Variants in DESI2 observed in about 807,000 individuals in gnomAD.
DESI2 encodes the protein deubiquitinase DESI2.
In DESI2, 10 loss-of-function variants were observed where a neutral mutation model predicts 24.1. That is an observed-to-expected ratio of 0.41 (90% CI 0.26 to 0.70). The LOEUF (loss-of-function observed/expected upper bound fraction) is 0.70. Ranked by LOEUF, DESI2 falls within the 30% of genes least tolerant of loss-of-function variation. DESI2 has a pLI of 0.29. For missense variants in DESI2, 122 were observed against 234.9 expected, an observed-to-expected ratio of 0.52 and a Z score of 3.14; for synonymous variants, 71 against 87.7, an observed-to-expected ratio of 0.81 and a Z score of 1.06.
chr1:244,664,552 A>G lies in DESI2; in HGVS notation c.42+11197A>G, dbSNP rs190037887. Among the ~76,000 whole-genome samples the G allele has an allele frequency of 2.9e-4, 44 of 152,356 alleles. No individual in the cohort carries two copies. In the East Asian group the frequency reaches 3.9e-3, roughly 13 times the overall value. ...GGGACCTTATCTCTACAAAAAATAA[A>G]TAAATTAGCCAGGCCCATGCCTGTG... On this transcript the variant is annotated intron_variant, in intron 1 of 4. Coordinates refer to ENST00000302550, the MANE Select transcript of DESI2 (RefSeq NM_016076.5).
chr1:244,695,265 T>C (rs778971224), intron 4 of DESI2, among the ~76,000 whole-genome samples: 7 of 152,232 alleles, frequency 4.6e-5, no homozygotes, highest in Non-Finnish European at 1.0e-4. Flanking sequence ...ACAGCCAGAA[T>C]TGTGTCAGAT....
chr1:244,676,918 ATT>A (rs55638785), intron 1 of DESI2, among the ~76,000 whole-genome samples: 1,988 of 134,580 alleles, frequency 0.015, 44 homozygotes, highest in African/African-American at 0.045. Context: ...TATTACATTA[ATT>A]TTTTTTTTTT....
rs907907761 is a variant in DESI2, at chr1:244,653,182, G to A, written c.-132G>A. On this transcript the variant is annotated 5_prime_UTR_variant, in exon 1 of 5. Transcript: ENST00000302550. ...CTCGGCTGCCCGATGCTTCCGCCCCGGCTGCCGCGGGCCGGGCTGTACGCT... is the reference window on the plus strand; with the variant it reads ...CTCGGCTGCCCGATGCTTCCGCCCCAGCTGCCGCGGGCCGGGCTGTACGCT... The A allele has an allele frequency of 8.7e-6, 8 of 920,186 alleles. No homozygotes were observed. Among genetic ancestry groups the A allele is most frequent in the African/African-American group, 5.1e-5 (3 of 58,314 alleles). The allele number at this position is 920,186 out of a possible 1,614,324, so 57.0% of individuals were successfully genotyped here. A position where few individuals can be genotyped will look rare whatever the true frequency, so the allele number is the denominator to read the frequency against.
At chr1:244,702,933 T>C (rs1274507035) in intron 4 of DESI2, among the ~76,000 whole-genome samples, 1 of 151,858 alleles carries the variant, frequency 6.6e-6, no homozygotes, top group African/African-American at 2.4e-5. Flanking sequence ...ATGATTAACC[T>C]CTAAATAGGC....
intron 1 of DESI2, among the ~76,000 whole-genome samples, chr1:244,671,414 A>T (rs570939363): frequency 6.6e-6 from 1 of 152,242 alleles, no homozygotes; most frequent in African/African-American, 2.4e-5. Flanking sequence ...CATTATATGT[A>T]ACTCTTCATC....
In DESI2 at chr1:244,665,265, G is replaced by A. The variant is rs551531167; in HGVS notation, c.42+11910G>A. ...GATGAAACTGAGGCCTAGTTGAAAA[G>A]CAAGCTCAGAGTCACGCCATAGTGG... On this transcript the variant is annotated intron_variant, in intron 1 of 4. Coordinates refer to ENST00000302550, the MANE Select transcript of DESI2 (RefSeq NM_016076.5). 2.8e-4 allele frequency among the ~76,000 whole-genome samples: 43 copies of A among 152,052 alleles called. No homozygotes were observed. In the South Asian group the frequency reaches 8.5e-3, roughly 30 times the overall value.
At position 244,692,109 on chromosome 1, in the gene DESI2, C is replaced by A; in HGVS notation, c.351+89C>A. The A allele has an allele frequency of 7.7e-6, 9 of 1,168,010 alleles. 1 individual carries two copies. Among genetic ancestry groups the A allele is most frequent in the South Asian group, 7.3e-5 (5 of 68,906 alleles). 72.4% of individuals were successfully genotyped at this position (1,168,010 alleles called of 1,614,324 possible). ...TCCCACTATATTCGATCTTGATTCA[C>A]TTCTTTTCCGATTTTTTGTGTTGTA... is the stretch of plus-strand genomic sequence containing the variant. On this transcript the variant is annotated intron_variant, in intron 4 of 4. Transcript: ENST00000302550.
Position 244,706,012 on chromosome 1 carries a change from G to C in DESI2, c.*223G>C. 1.9e-6 allele frequency: 1 copy of C among 527,142 alleles called. No individual in the cohort carries two copies. Among genetic ancestry groups the C allele is most frequent in the Non-Finnish European group, 3.4e-6 (1 of 295,788 alleles). The allele number at this position is 527,142 out of a possible 1,614,324, so 32.7% of individuals were successfully genotyped here. A position where few individuals can be genotyped will look rare whatever the true frequency, so the allele number is the denominator to read the frequency against. On this transcript the variant is annotated 3_prime_UTR_variant, in exon 5 of 5. Coordinates refer to ENST00000302550, the MANE Select transcript of DESI2 (RefSeq NM_016076.5). ...TGCCCTCTGTTTTTTTTATCCACTC[G>C]TAAATCTGGATTTATTTCTTCTGTT... is the stretch of plus-strand genomic sequence containing the variant.
At chr1:244,680,931 G>T (rs1573204921) in intron 1 of DESI2, among the ~76,000 whole-genome samples, 1 of 143,562 alleles carries the variant, frequency 7.0e-6, no homozygotes, top group Non-Finnish European at 1.5e-5. Flanking sequence ...ATTAAAAAAA[G>T]AGCTTTCCTC....
rs1379033841 is a variant in DESI2, at chr1:244,708,755, C to G, written c.*2966C>G. 6.6e-6 allele frequency: 1 copy of G among 152,592 alleles called. No homozygotes were observed. The highest frequency in any genetic ancestry group is 1.5e-5 in the Non-Finnish European group (1 of 68,030). The allele number at this position is 152,592 out of a possible 1,614,324, so 9.5% of individuals were successfully genotyped here. On this transcript the variant is annotated 3_prime_UTR_variant, in exon 5 of 5. Transcript: ENST00000302550. ...CCATACAACCATTGTATCTCTTTCT[C>G]TTCAGTATGGTTTAGAGCCCAGATC...
Position 244,689,087 on chromosome 1 carries a change from G to A in DESI2, c.116-162G>A, listed in dbSNP as rs1197166517. ...GAGTTTCGGGTCTTTTGTGACAACT[G>A]TTTATACGAGTAATAGCTAAGTGAG... On this transcript the variant is annotated intron_variant, in intron 2 of 4. Transcript: ENST00000302550. This position sits in a 1 kb window ranked among gnomAD's most constrained non-coding sequence, Gnocchi z 4.0. 6.6e-6 allele frequency among the ~76,000 whole-genome samples: 1 copy of A among 152,186 alleles called. No homozygotes were observed. The highest frequency in any genetic ancestry group is 2.4e-5 in the African/African-American group (1 of 41,430).
At chr1:244,654,061 AG>A (rs1448391491) in intron 1 of DESI2, 2 of 469,498 alleles carry the variant, frequency 4.3e-6, no homozygotes, top group East Asian at 1.4e-4. Context: ...GGGAGAGGGA[AG>A]GGAAGAAGTT....
chr1:244,688,960 A>G (rs1235949979), intron 2 of DESI2, among the ~76,000 whole-genome samples: 1 of 152,210 alleles, frequency 6.6e-6, no homozygotes, highest in Non-Finnish European at 1.5e-5. Flanking sequence ...AGACAGGCAG[A>G]GAGAACTGTA....
chr1:244,686,328 C>A (rs1475105362), intron 1 of DESI2, among the ~76,000 whole-genome samples: 1 of 151,868 alleles, frequency 6.6e-6, no homozygotes, highest in Admixed American at 6.6e-5. Context: ...CTCCCCCCAC[C>A]GCCCCACAAA....
chr1:244,696,347 C>T (rs1456524315), intron 4 of DESI2, among the ~76,000 whole-genome samples: 1 of 152,176 alleles, frequency 6.6e-6, no homozygotes, highest in East Asian at 1.9e-4. Context: ...GATAGCTGGG[C>T]ACAGTGGCTC....
At position 244,692,020 on chromosome 1, in the gene DESI2, G is replaced by T; in HGVS notation, c.351G>T (p.Glu117Asp). Residue 117 changes from glutamate (E) to aspartate (D), a missense_variant and splice_region_variant, in exon 4 of 5, where the codon GAG becomes GAT. By Grantham distance (45) the Glu-to-Asp change is conservative. This residue lies in a region of DESI2 where 12 missense variants were observed against 31.8 expected (regional missense o/e 0.38). Transcript: ENST00000302550. ...ATCATTTTTCTTCAGCTTTATCAGA[G>T]GTAAGCTAAATTTTATCCTAAAAGT... Reference protein sequence around the residue: ...NCNHFSSALSEILCGKEIPRW... With the variant: ...NCNHFSSALSDILCGKEIPRW... 6.3e-7 allele frequency: 1 copy of T among 1,587,458 alleles called. No homozygotes were observed. The highest frequency in any genetic ancestry group is 8.5e-7 in the Non-Finnish European group (1 of 1,172,298).
chr1:244,688,904 A>G (rs2148807326), intron 2 of DESI2, among the ~76,000 whole-genome samples: 1 of 152,326 alleles, frequency 6.6e-6, no homozygotes, highest in East Asian at 1.9e-4. Flanking sequence ...TAACTTAGAA[A>G]GTGGCAAAAC....
chr1:244,693,374 A>G (rs758870484), intron 4 of DESI2, among the ~76,000 whole-genome samples: 2 of 151,794 alleles, frequency 1.3e-5, no homozygotes, highest in Non-Finnish European at 2.9e-5. Context: ...ATGTCCCTGG[A>G]GCCATCTTTT....
chr1:244,677,101 TTC>T (rs1190830810), intron 1 of DESI2, among the ~76,000 whole-genome samples: 7 of 152,056 alleles, frequency 4.6e-5, no homozygotes, highest in African/African-American at 1.7e-4. Flanking sequence ...GTGTTCCCCT[TTC>T]TTCTGTATTT....
Sources: gnomAD v4.1 joint callset for allele counts (sites outside exome capture counted in the v4.1 genomes callset) on GRCh38, gnomAD v4.1.1 for gene constraint, gnomAD v4.1.1 regional missense constraint, Gnocchi (gnomAD v3.1) non-coding constraint, MANE v1.5 for transcripts, NCBI Gene and HGNC (gene_info 2026-07-23, HGNC 2026-07-21) for gene names.